The following TPTE variants were observed in gnomAD, a reference collection of about 807,000 sequenced individuals.
TPTE encodes transmembrane phosphatase with tensin homology, also known as putative tyrosine-protein phosphatase TPTE.
A neutral mutation model predicts 84.1 loss-of-function variants in TPTE; 59 were observed. The observed-to-expected ratio is 0.70, with a 90% CI of 0.57 to 0.87. The LOEUF (loss-of-function observed/expected upper bound fraction) is 0.87. Among genes scored for constraint, TPTE ranks in the 40% least tolerant of loss-of-function variants. The pLI is 0.00. For synonymous variants in TPTE, 130 were observed against 223.5 expected, an observed-to-expected ratio of 0.58 and a Z score of 3.73; for missense variants, 382 against 659.6, an observed-to-expected ratio of 0.58 and a Z score of 4.61.
chr21:10,564,236 G>A (rs2074869073), intron 10 of TPTE, among the ~76,000 whole-genome samples: 1 of 152,310 alleles, frequency 6.6e-6, no homozygotes, highest in African/African-American at 2.4e-5. Flanking sequence ...TAGGCTGGAA[G>A]TGGTGGCTCA....
At chr21:10,588,789 T>C (rs1365559635) in intron 17 of TPTE, among the ~76,000 whole-genome samples, 1 of 152,310 alleles carries the variant, frequency 6.6e-6, no homozygotes, top group Admixed American at 6.5e-5. Context: ...TTCTACTTTG[T>C]CCAGTCTGTT....
At chr21:10,525,485 C>G (rs2074061799) in intron 2 of TPTE, among the ~76,000 whole-genome samples, 1 of 152,312 alleles carries the variant, frequency 6.6e-6, no homozygotes, top group Non-Finnish European at 1.5e-5. Flanking sequence ...GTGCGGAAAG[C>G]TTACAGAAGC....
intron 17 of TPTE, among the ~76,000 whole-genome samples, chr21:10,587,484 C>T (rs2075387135): frequency 6.6e-6 from 1 of 152,240 alleles, no homozygotes; most frequent in Admixed American, 6.5e-5. Context: ...GTTTTTTGTT[C>T]CTGCATTAAT....
intron 6 of TPTE, 105 bp from the exon 7 acceptor site, chr21:10,543,224 G>C: frequency 7.1e-7 from 1 of 1,412,962 alleles, no homozygotes; most frequent in Non-Finnish European, 9.5e-7. Flanking sequence ...AGTAGAGACG[G>C]GGTTTCACCT....
intron 17 of TPTE, among the ~76,000 whole-genome samples, chr21:10,587,563 T>C (rs1210054399): frequency 6.6e-6 from 1 of 152,308 alleles, no homozygotes; most frequent in Admixed American, 6.5e-5. Flanking sequence ...TTTTTTTTTT[T>C]TTTGAGAGGG....
chr21:10,576,921 T>C lies in TPTE; in HGVS notation c.796-539T>C, dbSNP rs1468402562. On this transcript the variant is annotated intron_variant, in intron 14 of 23. Transcript: ENST00000618007. ...ACACATATATCTTCATTTAAAAAAA[T>C]AAAGAGAACAAATGAGCCAAAAAAG... 8.6e-5 allele frequency among the ~76,000 whole-genome samples: 13 copies of C among 151,688 alleles called. No homozygotes were observed. The South Asian group carries it at 2.7e-3, about 32-fold the overall frequency.
In TPTE at chr21:10,538,674, C is replaced by A. The variant is rs1477742265; in HGVS notation, c.-43-7C>A. On this transcript the variant is annotated splice_region_variant and splice_polypyrimidine_tract_variant and intron_variant, in intron 3 of 23. Transcript: ENST00000618007. ...CTGTCTGACTATATTCTTTTGACAT[C>A]CTCTAGTCCACCCACAAATGAATTA... 9 of 1,613,924 alleles carry A rather than the reference C, an allele frequency of 5.6e-6. No individual in the cohort carries two copies. The highest frequency in any genetic ancestry group is 7.6e-6 in the Non-Finnish European group (9 of 1,179,864).
chr21:10,603,159 T>C (rs1978788938), intron 22 of TPTE, among the ~76,000 whole-genome samples: 1 of 152,308 alleles, frequency 6.6e-6, no homozygotes, highest in Non-Finnish European at 1.5e-5. Flanking sequence ...GCTTCTGATA[T>C]CAGAAAATCC....
At chr21:10,523,767 T>C (rs1303443667) in intron 1 of TPTE, among the ~76,000 whole-genome samples, 1 of 152,312 alleles carries the variant, frequency 6.6e-6, no homozygotes, top group East Asian at 1.9e-4. Flanking sequence ...TACGTGTGCA[T>C]GTGTCTGTAT....
intron 14 of TPTE, 115 bp downstream of exon 14, chr21:10,570,664 G>GA (rs60630159): frequency 2.3e-5 from 36 of 1,562,866 alleles, no homozygotes; most frequent in Non-Finnish European, 2.6e-5. Context: ...CTCTTTCAAG[G>GA]AAAAAAAATC....
intron 10 of TPTE, among the ~76,000 whole-genome samples, chr21:10,565,593 C>T (rs61032621): frequency 9.6e-3 from 1,450 of 151,824 alleles, no homozygotes; most frequent in African/African-American, 0.033. Context: ...ATCACATTAC[C>T]TGACTTCAAA....
intron 21 of TPTE, among the ~76,000 whole-genome samples, 200 bp from the exon 22 acceptor site, chr21:10,601,858 A>AC (rs1978562438): frequency 6.6e-6 from 1 of 152,310 alleles, no homozygotes; most frequent in Non-Finnish European, 1.5e-5. Context: ...CTCAGAAAAC[A>AC]AAAAGCAAAT....
In TPTE at chr21:10,596,282, C is replaced by G. The variant is rs1192963559; in HGVS notation, c.1276+195C>G. ...CATTGATTGCCAGCCCTTAGATGTT[C>G]TTCACTTTTTCTTTTCCATCACCAA... On this transcript the variant is annotated intron_variant, in intron 20 of 23. Coordinates refer to ENST00000618007, the MANE Select transcript of TPTE (RefSeq NM_199261.4). 1.6e-4 allele frequency among the ~76,000 whole-genome samples: 25 copies of G among 152,330 alleles called. No homozygotes were observed. In the East Asian group the frequency reaches 4.5e-3, roughly 27 times the overall value.
intron 20 of TPTE, 33 bp from the exon 21 acceptor site, chr21:10,597,982 A>G (rs768228831): frequency 9.3e-6 from 15 of 1,611,294 alleles, no homozygotes; most frequent in South Asian, 3.3e-5. Flanking sequence ...ACGCTAGCCA[A>G]CCTAACTTTT....
At chr21:10,559,279 A>G (rs1455031719) in intron 8 of TPTE, among the ~76,000 whole-genome samples, 6 of 152,306 alleles carry the variant, frequency 3.9e-5, no homozygotes, top group Non-Finnish European at 7.3e-5. Flanking sequence ...CTAAACATCC[A>G]AACTTTACTG....
intron 14 of TPTE, among the ~76,000 whole-genome samples, chr21:10,570,827 G>T (rs1260759160): frequency 1.3e-5 from 2 of 152,306 alleles, no homozygotes; most frequent in Non-Finnish European, 2.9e-5. Context: ...CTTGCAGAAA[G>T]GATTTCCTGT....
intron 21 of TPTE, among the ~76,000 whole-genome samples, chr21:10,599,459 G>C (rs1219772278): frequency 6.6e-6 from 1 of 152,310 alleles, no homozygotes; most frequent in Non-Finnish European, 1.5e-5. Context: ...TGTAGTCAGA[G>C]CCAGTTAACA....
At chr21:10,560,183 T>C (rs1468299898) in intron 9 of TPTE, among the ~76,000 whole-genome samples, 1 of 152,300 alleles carries the variant, frequency 6.6e-6, no homozygotes, top group Non-Finnish European at 1.5e-5. Flanking sequence ...AATCAAATGT[T>C]AAAATTCTAT....
At position 10,558,816 on chromosome 21, in the gene TPTE, T is replaced by A. The variant is rs1258669024; in HGVS notation, c.234-678T>A. 5.9e-5 allele frequency among the ~76,000 whole-genome samples: 9 copies of A among 152,364 alleles called. No homozygotes were observed. In the East Asian group the frequency reaches 1.7e-3, roughly 29 times the overall value. The stretch of plus-strand genomic sequence containing the variant: ...GGAGGCTTCAGTAGGACAAAAAAAA[T>A]TGTTCCTCATGAGCTACCTTGTCTC... On this transcript the variant is annotated intron_variant, in intron 8 of 23. Coordinates refer to ENST00000618007, the MANE Select transcript of TPTE (RefSeq NM_199261.4).
Sources: gnomAD v4.1 joint callset for allele counts (sites outside exome capture counted in the v4.1 genomes callset) on GRCh38, gnomAD v4.1.1 for gene constraint, MANE v1.5 for transcripts, NCBI Gene and HGNC (gene_info 2026-07-23, HGNC 2026-07-21) for gene names.